Variants in CNTNAP2 observed in about 807,000 individuals in gnomAD.
CNTNAP2 encodes the protein contactin-associated protein-like 2.
CNTNAP2 carries 98 observed loss-of-function variants against 155.2 expected under a neutral mutation model. The observed-to-expected ratio is 0.63, with a 90% CI of 0.54 to 0.75. The LOEUF (loss-of-function observed/expected upper bound fraction) is 0.75, where lower values mean the gene tolerates loss of function less well. CNTNAP2 is among the 30% of genes least tolerant of loss of function. The pLI is 0.00. For missense variants in CNTNAP2, 1,727 were observed against 1,688.1 expected (o/e 1.02, Z -0.40); for synonymous variants, 651 against 631.2 (o/e 1.03, Z -0.47).
intron 1 of CNTNAP2, among the ~76,000 whole-genome samples, chr7:146,311,456 A>C (rs1319752529): frequency 1.3e-5 from 2 of 152,072 alleles, no homozygotes; most frequent in African/African-American, 4.8e-5. Context: ...ATGACAAATC[A>C]ACATTGTTTA....
intron 2 of CNTNAP2, among the ~76,000 whole-genome samples, chr7:146,822,727 A>C (rs1011583524): frequency 2.7e-5 from 4 of 146,948 alleles, no homozygotes; most frequent in Non-Finnish European, 6.0e-5. Context: ...AAATATATAT[A>C]CTTAAGTATA....
chr7:148,070,564 A>T, intron 15 of CNTNAP2, among the ~76,000 whole-genome samples: 1 of 152,150 alleles, frequency 6.6e-6, no homozygotes, highest in Non-Finnish European at 1.5e-5. Flanking sequence ...TAAAAATACA[A>T]AAATTAGCCA....
chr7:147,401,392 G>T (rs1341568053), intron 10 of CNTNAP2, among the ~76,000 whole-genome samples: 1 of 152,074 alleles, frequency 6.6e-6, no homozygotes, highest in Non-Finnish European at 1.5e-5. Flanking sequence ...CATAATCACA[G>T]ACCCAGTTTT....
chr7:146,916,858 A>T (rs781694135), intron 3 of CNTNAP2, among the ~76,000 whole-genome samples: 4 of 151,116 alleles, frequency 2.6e-5, no homozygotes, highest in Non-Finnish European at 5.9e-5. Context: ...TCTTCTGCTG[A>T]GTTTGGGTTT....
intron 10 of CNTNAP2, among the ~76,000 whole-genome samples, chr7:147,477,980 G>GT (rs1456874307): frequency 6.6e-6 from 1 of 152,106 alleles, no homozygotes; most frequent in East Asian, 1.9e-4. Context: ...TATCAGTTCA[G>GT]TTTTTTCAGC....
intron 10 of CNTNAP2, among the ~76,000 whole-genome samples, chr7:147,426,868 C>A (rs951346999): frequency 6.6e-6 from 1 of 151,960 alleles, no homozygotes; most frequent in African/African-American, 2.4e-5. Context: ...TATACTCATC[C>A]TGTAAATATA....
Position 148,383,833 on chromosome 7 carries a change from C to A in CNTNAP2, c.3660C>A (p.Thr1220=), listed in dbSNP as rs573467341. ...VESNCGASPL[T]LSPMSSATDP... ...CCAACTGCGGGGCCTCGCCGCTGAC[C>A]CTCTCCCCCATGTCGTCCGCCACCG... The change falls in exon 22 of 24, where the codon ACC becomes ACA. Residue 1220 remains threonine (T), a synonymous_variant. Coordinates refer to ENST00000361727, the MANE Select transcript of CNTNAP2 (RefSeq NM_014141.6). The A allele has an allele frequency of 5.5e-5, 88 of 1,614,064 alleles. No individual in the cohort carries two copies. The South Asian group carries it at 9.0e-4, about 17-fold the overall frequency.
At chr7:147,009,490 A>C (rs922905416) in intron 3 of CNTNAP2, among the ~76,000 whole-genome samples, 1 of 152,184 alleles carries the variant, frequency 6.6e-6, no homozygotes, top group African/African-American at 2.4e-5. Flanking sequence ...TGTTTATTTC[A>C]CTTGGAGTTG....
intron 18 of CNTNAP2, among the ~76,000 whole-genome samples, chr7:148,179,153 C>G (rs571352157): frequency 2.0e-5 from 3 of 152,226 alleles, no homozygotes; most frequent in South Asian, 4.2e-4. Context: ...TTTCAAGAAC[C>G]AAGTTGGGTC....
At chr7:146,545,599 T>C (rs1563128730) in intron 1 of CNTNAP2, among the ~76,000 whole-genome samples, 1 of 151,974 alleles carries the variant, frequency 6.6e-6, no homozygotes, top group African/African-American at 2.4e-5. Context: ...GTGTTTGGTT[T>C]TCTGTTCCTG....
chr7:147,638,942 A>T, intron 12 of CNTNAP2, 164 bp from the exon 13 acceptor site: 1 of 754,080 alleles, frequency 1.3e-6, no homozygotes, highest in Non-Finnish European at 2.4e-6. Flanking sequence ...AGCAGAACTT[A>T]GGGATGAGCA....
intron 4 of CNTNAP2, among the ~76,000 whole-genome samples, chr7:147,106,714 T>C (rs961549151): frequency 6.6e-6 from 1 of 152,210 alleles, no homozygotes; most frequent in Non-Finnish European, 1.5e-5. Context: ...GATTTCATTT[T>C]ATTCGAAGTA....
intron 4 of CNTNAP2, among the ~76,000 whole-genome samples, chr7:147,051,975 T>C (rs1799482023): frequency 6.6e-6 from 1 of 152,106 alleles, no homozygotes; most frequent in Non-Finnish European, 1.5e-5. Flanking sequence ...TGTTTTATGC[T>C]CCAAATATGA....
chr7:147,655,913 G>T (rs1028195642), intron 13 of CNTNAP2, among the ~76,000 whole-genome samples: 1 of 152,234 alleles, frequency 6.6e-6, no homozygotes, highest in Non-Finnish European at 1.5e-5. Flanking sequence ...GTTTCATCTA[G>T]ATTGAAAATC....
chr7:147,569,852 C>G (rs918511848), intron 12 of CNTNAP2, among the ~76,000 whole-genome samples: 8 of 152,218 alleles, frequency 5.3e-5, no homozygotes, highest in Non-Finnish European at 1.0e-4. Context: ...TCTTGCCAGG[C>G]TGAGACCAAG....
intron 1 of CNTNAP2, among the ~76,000 whole-genome samples, chr7:146,409,814 G>C (rs2129110643): frequency 6.6e-6 from 1 of 152,270 alleles, no homozygotes; most frequent in East Asian, 1.9e-4. Flanking sequence ...GGGTGATAGA[G>C]AAGAAATAGT....
At chr7:146,350,833 A>G (rs113566686) in intron 1 of CNTNAP2, among the ~76,000 whole-genome samples, 12,579 of 151,932 alleles carry the variant, frequency 0.083, 1,115 homozygotes, top group African/African-American at 0.22. Context: ...TATACACCAT[A>G]GAATACTATG....
chr7:147,852,626 T>G (rs1798967831), intron 13 of CNTNAP2, among the ~76,000 whole-genome samples: 1 of 152,252 alleles, frequency 6.6e-6, no homozygotes, highest in South Asian at 2.1e-4. Context: ...GCAAGAATGT[T>G]TGTAATTGCT....
At chr7:147,555,111 T>C (rs1799927414) in intron 11 of CNTNAP2, among the ~76,000 whole-genome samples, 1 of 151,998 alleles carries the variant, frequency 6.6e-6, no homozygotes, top group African/African-American at 2.4e-5. Flanking sequence ...TTCACTAGAG[T>C]CTGTTGAGAT....
Sources: gnomAD v4.1 joint callset for allele counts (sites outside exome capture counted in the v4.1 genomes callset) on GRCh38, gnomAD v4.1.1 for gene constraint, MANE v1.5 for transcripts, NCBI Gene and HGNC (gene_info 2026-07-23, HGNC 2026-07-21) for gene names.